The following ZNF618 variants were observed in gnomAD, a reference collection of about 807,000 sequenced individuals.
ZNF618 encodes the protein neural precursor cell expressed, developmentally down-regulated 10.
Under a neutral mutation model 103.0 loss-of-function variants are expected in ZNF618, and 34 were observed. That is an observed-to-expected ratio of 0.33 (90% CI 0.25 to 0.44). The LOEUF (loss-of-function observed/expected upper bound fraction) is 0.44, where lower values mean the gene tolerates loss of function less well. ZNF618 is among the 20% of genes least tolerant of loss of function. ZNF618 has a pLI of 1.00. For missense variants in ZNF618, 1,059 were observed against 1,295.4 expected (o/e 0.82, Z 2.80); for synonymous variants, 551 against 542.2 (o/e 1.02, Z -0.23).
At chr9:113,953,961 G>C (rs1588141392) in intron 1 of ZNF618, among the ~76,000 whole-genome samples, 2 of 152,146 alleles carry the variant, frequency 1.3e-5, no homozygotes, top group African/African-American at 4.8e-5. Context: ...GAGGGAGATT[G>C]CCCCTGTGGC....
rs1351492416 is a variant in ZNF618, at chr9:114,002,073, G to C, written c.511G>C (p.Asp171His). 1 of 1,612,488 alleles carries C rather than the reference G, an allele frequency of 6.2e-7. No individual in the cohort carries two copies. The highest frequency in any genetic ancestry group is 1.7e-5 in the Admixed American group (1 of 60,026). Residue 171 changes from aspartate (D) to histidine (H), a missense_variant and splice_region_variant, in exon 5 of 15, where the codon GAC becomes CAC. By Grantham distance (81) the Asp-to-His change is moderately conservative. Around this residue, in one of 6 missense-constraint regions of ZNF618, gnomAD observed 434 missense variants for 476.0 expected, o/e 0.91. Coordinates refer to ENST00000374126, the MANE Select transcript of ZNF618 (RefSeq NM_001318042.2). Reference sequence around the variant, plus strand: ...CCAGACCCACGTGCGGGCGCACCGAGGTGAGAGGAGTGTCCCTGGGGCAGA... The same window carrying C: ...CCAGACCCACGTGCGGGCGCACCGACGTGAGAGGAGTGTCCCTGGGGCAGA... ...CFQTHVRAHRDTEATSGEGAS... is the reference protein window; with the variant it reads ...CFQTHVRAHRHTEATSGEGAS...
At chr9:113,946,398 CAAAAAAA>C in intron 1 of ZNF618, among the ~76,000 whole-genome samples, 1 of 114,854 alleles carries the variant, frequency 8.7e-6, no homozygotes, top group African/African-American at 3.5e-5. Flanking sequence ...GGGAAGTCTT[CAAAAAAA>C]AAAAAAAAAA....
intron 1 of ZNF618, among the ~76,000 whole-genome samples, chr9:113,967,866 A>G (rs1315428503): frequency 6.6e-6 from 1 of 152,162 alleles, no homozygotes; most frequent in Non-Finnish European, 1.5e-5. Context: ...GCCTGTCACC[A>G]TGTAGGACTA....
At chr9:113,943,911 C>G (rs1477874621) in intron 1 of ZNF618, among the ~76,000 whole-genome samples, 1 of 152,178 alleles carries the variant, frequency 6.6e-6, no homozygotes, top group African/African-American at 2.4e-5. Context: ...CCTAACCTTG[C>G]TTTGCTGTGA....
At chr9:113,972,382 A>G (rs1026778815) in intron 2 of ZNF618, among the ~76,000 whole-genome samples, 1 of 152,076 alleles carries the variant, frequency 6.6e-6, no homozygotes, top group African/African-American at 2.4e-5. Context: ...CTTTTTAACA[A>G]CCTCATGAGA....
chr9:113,949,445 G>A (rs898288731), intron 1 of ZNF618, among the ~76,000 whole-genome samples: 8 of 152,138 alleles, frequency 5.3e-5, no homozygotes, highest in South Asian at 2.1e-4. Flanking sequence ...CCTCGGAGGC[G>A]TATGGTTCTT....
At chr9:113,945,712 G>T (rs980426887) in intron 1 of ZNF618, among the ~76,000 whole-genome samples, 1 of 152,172 alleles carries the variant, frequency 6.6e-6, no homozygotes. Context: ...CCCTGTCCCT[G>T]CCTTGACTGG....
chr9:114,023,429 A>G (rs1843237925), intron 10 of ZNF618, among the ~76,000 whole-genome samples: 2 of 152,114 alleles, frequency 1.3e-5, no homozygotes, highest in Admixed American at 6.5e-5. Context: ...TCTTTGTGCT[A>G]TTTTTATCAT....
At chr9:113,889,347 T>TCTCTCTCTCTATC (rs1477289947) in intron 1 of ZNF618, among the ~76,000 whole-genome samples, 3 of 104,122 alleles carry the variant, frequency 2.9e-5, no homozygotes, top group East Asian at 5.1e-4. Context: ...CTCTCTCTCT[T>TCTCTCTCTCTATC]TCTCTCCCTC....
intron 1 of ZNF618, among the ~76,000 whole-genome samples, chr9:113,881,732 G>A (rs2130809373): frequency 6.6e-6 from 1 of 152,246 alleles, no homozygotes; most frequent in African/African-American, 2.4e-5. Flanking sequence ...TGGTTTTGTT[G>A]GTGAGACTTC....
intron 1 of ZNF618, among the ~76,000 whole-genome samples, chr9:113,883,891 C>G (rs1390695793): frequency 7.1e-6 from 1 of 140,496 alleles, no homozygotes; most frequent in Non-Finnish European, 1.5e-5. Flanking sequence ...TTGAAAGCAT[C>G]TTGGGATTGA....
chr9:114,012,221 G>A (rs1842316581), intron 9 of ZNF618, among the ~76,000 whole-genome samples: 1 of 152,170 alleles, frequency 6.6e-6, no homozygotes, highest in African/African-American at 2.4e-5. Context: ...TTACAGACGG[G>A]GTGGTCTGAA....
At chr9:114,035,970 G>A (rs1375949229) in intron 12 of ZNF618, among the ~76,000 whole-genome samples, 1 of 152,212 alleles carries the variant, frequency 6.6e-6, no homozygotes, top group East Asian at 1.9e-4. Context: ...TGCCCCAAGA[G>A]GGCCGTTGGT....
intron 10 of ZNF618, among the ~76,000 whole-genome samples, chr9:114,025,170 T>G (rs1301104901): frequency 6.6e-6 from 1 of 152,230 alleles, no homozygotes; most frequent in Non-Finnish European, 1.5e-5. Flanking sequence ...AAGATGAAGA[T>G]TCACGAGGAG....
chr9:114,022,216 A>G (rs550354122), intron 10 of ZNF618, among the ~76,000 whole-genome samples: 11 of 152,158 alleles, frequency 7.2e-5, no homozygotes, highest in Admixed American at 2.6e-4. Context: ...TCCAACCAGC[A>G]GTACAATTTT....
chr9:113,967,832 G>C (rs1019105138), intron 1 of ZNF618, among the ~76,000 whole-genome samples: 5 of 152,230 alleles, frequency 3.3e-5, no homozygotes, highest in African/African-American at 1.2e-4. Flanking sequence ...AGGCTGTGGA[G>C]AGCCAAGTAT....
At chr9:113,897,345 G>A (rs1830117032) in intron 1 of ZNF618, among the ~76,000 whole-genome samples, 1 of 152,144 alleles carries the variant, frequency 6.6e-6, no homozygotes. Context: ...TAATATTTTA[G>A]AAGATAATTT....
At chr9:113,995,724 G>T (rs981075157) in intron 3 of ZNF618, among the ~76,000 whole-genome samples, 1 of 152,160 alleles carries the variant, frequency 6.6e-6, no homozygotes, top group Admixed American at 6.5e-5. Context: ...TGAGAGCAGA[G>T]AGTTGGAAGT....
intron 1 of ZNF618, among the ~76,000 whole-genome samples, chr9:113,951,988 C>T (rs901480905): frequency 5.3e-5 from 8 of 152,160 alleles, no homozygotes; most frequent in Non-Finnish European, 8.8e-5. Context: ...TTTCGTGGCA[C>T]TCCATATGGG....
Sources: allele counts gnomAD v4.1 joint callset (sites outside exome capture counted in the v4.1 genomes callset), GRCh38; gene constraint gnomAD v4.1.1; regional missense constraint gnomAD v4.1.1; transcripts MANE v1.5; gene names NCBI Gene and HGNC (gene_info 2026-07-23, HGNC 2026-07-21).